Variants in RIT2 observed in about 807,000 individuals in gnomAD.
The protein encoded by RIT2 is Ras like without CAAX 2.
In RIT2, 24 loss-of-function variants were observed where a neutral mutation model predicts 23.7. The observed-to-expected ratio is 1.01, with a 90% CI of 0.73 to 1.43. The LOEUF (loss-of-function observed/expected upper bound fraction) is 1.43, where lower values mean the gene tolerates loss of function less well. RIT2 is among the 40% of genes most tolerant of loss of function. The pLI, the probability that RIT2 is intolerant of heterozygous loss-of-function variation, is 0.00. For missense variants in RIT2, 236 were observed against 266.9 expected, an observed-to-expected ratio of 0.88 and a Z score of 0.81; for synonymous variants, 107 against 91.1, an observed-to-expected ratio of 1.17 and a Z score of -0.99.
chr18:43,060,096 G>T (rs759403641), intron 1 of RIT2, among the ~76,000 whole-genome samples: 1 of 152,126 alleles, frequency 6.6e-6, no homozygotes, highest in Non-Finnish European at 1.5e-5. Flanking sequence ...AACTTGAAAA[G>T]ATCTGAGAGG....
intron 3 of RIT2, among the ~76,000 whole-genome samples, chr18:42,967,456 G>A (rs1259576466): frequency 1.3e-5 from 2 of 150,888 alleles, no homozygotes; most frequent in African/African-American, 2.4e-5. Context: ...TGAAAGCTCC[G>A]CCTCCCGGGT....
chr18:42,898,265 G>A (rs1908384283), intron 4 of RIT2, among the ~76,000 whole-genome samples: 4 of 152,080 alleles, frequency 2.6e-5, no homozygotes, highest in Admixed American at 2.6e-4. Context: ...GTGGTGGCGG[G>A]TGCCTGTAGT....
At chr18:42,815,692 T>C (rs919185216) in intron 4 of RIT2, among the ~76,000 whole-genome samples, 1 of 152,162 alleles carries the variant, frequency 6.6e-6, no homozygotes, top group African/African-American at 2.4e-5. Flanking sequence ...TGTACTTGCA[T>C]GAATGTAGAA....
At chr18:42,767,557 C>T (rs781481839) in intron 4 of RIT2, among the ~76,000 whole-genome samples, 21 of 152,162 alleles carry the variant, frequency 1.4e-4, no homozygotes, top group South Asian at 8.3e-4. Context: ...GATGAGACTT[C>T]GGATAGTGGA....
chr18:43,076,840 A>T (rs988704828), intron 1 of RIT2, among the ~76,000 whole-genome samples: 1 of 152,164 alleles, frequency 6.6e-6, no homozygotes, highest in Non-Finnish European at 1.5e-5. Flanking sequence ...GCGGTGGCTC[A>T]TGCCTGTAAT....
intron 2 of RIT2, among the ~76,000 whole-genome samples, chr18:43,032,441 T>C (rs1911878499): frequency 6.6e-6 from 1 of 152,078 alleles, no homozygotes; most frequent in Admixed American, 6.6e-5. Context: ...ATATATTATA[T>C]TATTGAATTT....
chr18:42,908,938 A>G (rs1908694825), intron 4 of RIT2, among the ~76,000 whole-genome samples: 1 of 152,128 alleles, frequency 6.6e-6, no homozygotes, highest in South Asian at 2.1e-4. Context: ...GAACAAAAAC[A>G]AGAACTACCA....
intron 4 of RIT2, among the ~76,000 whole-genome samples, chr18:42,887,382 G>A (rs1299363244): frequency 6.6e-6 from 1 of 152,122 alleles, no homozygotes; most frequent in South Asian, 2.1e-4. Context: ...TTTCATGGTA[G>A]GTAATCTCTC....
At position 42,927,266 on chromosome 18, in the gene RIT2, T is replaced by G. The variant is rs1035259380; in HGVS notation, c.235-3503A>C. Among the ~76,000 whole-genome samples the G allele has an allele frequency of 1.6e-4, 24 of 151,898 alleles. 1 individual carries two copies. Among genetic ancestry groups the G allele is most frequent in the Non-Finnish European group, 2.8e-4 (19 of 67,840 alleles). ...AAAATCTTTCCACCAATAAAACAGA[T>G]GTAATGAAGCTATCATAATGAATGT... On this transcript the variant is annotated intron_variant, in intron 3 of 4. Transcript: ENST00000326695.
At chr18:43,021,117 A>T (rs1374053917) in intron 2 of RIT2, among the ~76,000 whole-genome samples, 1 of 152,138 alleles carries the variant, frequency 6.6e-6, no homozygotes. Context: ...AATTCATCTG[A>T]CAAGGCCTAA....
At chr18:42,999,820 C>CA (rs985845192) in intron 2 of RIT2, among the ~76,000 whole-genome samples, 19 of 152,016 alleles carry the variant, frequency 1.2e-4, no homozygotes, top group African/African-American at 4.3e-4. Flanking sequence ...CGAAGAATGG[C>CA]AAAAACGGCA....
At chr18:43,011,584 A>C (rs1262939563) in intron 2 of RIT2, among the ~76,000 whole-genome samples, 1 of 151,808 alleles carries the variant, frequency 6.6e-6, no homozygotes, top group Non-Finnish European at 1.5e-5. Context: ...GAGTAAGAGA[A>C]AATCAACCAA....
chr18:42,972,436 T>TA (rs1303474361), intron 3 of RIT2, among the ~76,000 whole-genome samples: 1 of 151,856 alleles, frequency 6.6e-6, no homozygotes, highest in East Asian at 1.9e-4. Context: ...GCAGTTTTTT[T>TA]AAAAACAGTA....
At chr18:42,824,076 A>G (rs1409921667) in intron 4 of RIT2, among the ~76,000 whole-genome samples, 1 of 152,158 alleles carries the variant, frequency 6.6e-6, no homozygotes, top group Non-Finnish European at 1.5e-5. Flanking sequence ...TCAGTAAATG[A>G]TGTTAAAAAA....
intron 1 of RIT2, among the ~76,000 whole-genome samples, chr18:43,095,191 G>A (rs574658435): frequency 2.0e-5 from 3 of 152,012 alleles, no homozygotes; most frequent in African/African-American, 4.8e-5. Context: ...GTGTAAAAGC[G>A]TTCCTATTTC....
At chr18:42,847,670 T>G (rs1906946877) in intron 4 of RIT2, among the ~76,000 whole-genome samples, 1 of 152,060 alleles carries the variant, frequency 6.6e-6, no homozygotes, top group South Asian at 2.1e-4. Flanking sequence ...TTAAATTATA[T>G]TTTTACTGCT....
At chr18:42,955,712 A>G (rs1429317422) in intron 3 of RIT2, among the ~76,000 whole-genome samples, 1 of 152,148 alleles carries the variant, frequency 6.6e-6, no homozygotes, top group Non-Finnish European at 1.5e-5. Flanking sequence ...TTGAGATTTA[A>G]TTCATATAAA....
chr18:42,938,266 G>T (rs1370888667), intron 3 of RIT2, among the ~76,000 whole-genome samples: 1 of 152,172 alleles, frequency 6.6e-6, no homozygotes, highest in Non-Finnish European at 1.5e-5. Flanking sequence ...GGGCTTTCAA[G>T]GAATGGATGC....
chr18:42,923,005 G>C (rs1296816168), intron 4 of RIT2, among the ~76,000 whole-genome samples: 2 of 152,092 alleles, frequency 1.3e-5, no homozygotes, highest in African/African-American at 4.8e-5. Flanking sequence ...ATTTGCCACT[G>C]ATTCTCTAGG....
Sources: gnomAD v4.1 joint callset for allele counts (sites outside exome capture counted in the v4.1 genomes callset) on GRCh38, gnomAD v4.1.1 for gene constraint, MANE v1.5 for transcripts, NCBI Gene and HGNC (gene_info 2026-07-23, HGNC 2026-07-21) for gene names.